BEST3: variants seen among roughly 807,000 people sequenced by gnomAD.
BEST3 encodes bestrophin-3.
In BEST3, 50 loss-of-function variants were observed where a neutral mutation model predicts 47.1. The ratio of observed to expected loss-of-function variants is 1.06; its 90% CI spans 0.85 to 1.34. The LOEUF (loss-of-function observed/expected upper bound fraction) is 1.34. Among genes scored for constraint, BEST3 ranks in the 40% most tolerant of loss-of-function variants. BEST3 has a pLI of 0.00. For synonymous variants in BEST3, 282 were observed against 298.8 expected, an observed-to-expected ratio of 0.94 and a Z score of 0.58; for missense variants, 765 against 817.0, an observed-to-expected ratio of 0.94 and a Z score of 0.78.
At chr12:69,684,830 G>C (rs1167297002) in intron 4 of BEST3, among the ~76,000 whole-genome samples, 1 of 152,202 alleles carries the variant, frequency 6.6e-6, no homozygotes, top group Non-Finnish European at 1.5e-5. Flanking sequence ...ATGAGATTGA[G>C]AGAGGGATGA....
chr12:69,645,588 C>G (rs1027998710), intron 9 of BEST3, among the ~76,000 whole-genome samples: 1 of 152,122 alleles, frequency 6.6e-6, no homozygotes, highest in Non-Finnish European at 1.5e-5. Context: ...GTTACAGATG[C>G]GGTGTGGAAT....
intron 3 of BEST3, 150 bp from the exon 4 acceptor site, chr12:69,694,057 A>G: frequency 1.5e-6 from 1 of 665,916 alleles, no homozygotes; most frequent in Non-Finnish European, 2.5e-6. Context: ...CCAGAAAAAA[A>G]ATGTCATTTG....
intron 7 of BEST3, among the ~76,000 whole-genome samples, chr12:69,673,656 C>A (rs916411074): frequency 6.6e-6 from 1 of 152,018 alleles, no homozygotes; most frequent in African/African-American, 2.4e-5. Flanking sequence ...GTTGGCCAGG[C>A]TAGTCTTGAA....
intron 1 of BEST3, 73 bp from the exon 2 acceptor site, chr12:69,697,886 T>C: frequency 8.0e-7 from 1 of 1,255,452 alleles, no homozygotes; most frequent in East Asian, 2.5e-5. Flanking sequence ...TATGTCTGTA[T>C]ATCAAGGAAA....
intron 4 of BEST3, among the ~76,000 whole-genome samples, chr12:69,680,142 C>G (rs1885155707): frequency 6.6e-6 from 1 of 151,888 alleles, no homozygotes; most frequent in South Asian, 2.1e-4. Context: ...CTTTAATTTT[C>G]CTCTGCCTAC....
chr12:69,676,932 TAGAAGA>T lies in BEST3; in HGVS notation c.845_850del (p.Phe282_Phe283del), dbSNP rs773849380. ...ACTGGCTACCTTAAGCCATCCTGCATAGAAGAAGAATTGTAGGAGGGTGAAGATGGG... is the reference window on the plus strand; with the variant it reads ...ACTGGCTACCTTAAGCCATCCTGCATAGAATTGTAGGAGGGTGAAGATGGG... On this transcript the variant is annotated inframe_deletion, in exon 7 of 10. Transcript: ENST00000330891. The T allele has an allele frequency of 1.2e-6, 2 of 1,613,596 alleles. No individual in the cohort carries two copies. Among genetic ancestry groups the T allele is most frequent in the Non-Finnish European group, 1.7e-6 (2 of 1,179,834 alleles).
chr12:69,657,350 C>T (rs1258657535), intron 9 of BEST3, among the ~76,000 whole-genome samples: 1 of 152,110 alleles, frequency 6.6e-6, no homozygotes, highest in Admixed American at 6.5e-5. Flanking sequence ...CCCACCTTGC[C>T]CTCCCAAAGT....
chr12:69,677,265 A>G lies in BEST3; in HGVS notation c.637-8T>C. On this transcript the variant is annotated splice_polypyrimidine_tract_variant and splice_region_variant and intron_variant, in intron 5 of 9. Coordinates refer to ENST00000330891, the MANE Select transcript of BEST3 (RefSeq NM_032735.3). The stretch of plus-strand genomic sequence containing the variant: ...GCGGTATCGATTCATTTCCTAAGCC[A>G]GAAACAGATCAAGCATGATTTACTA... 1 of 1,605,920 alleles carries G rather than the reference A, an allele frequency of 6.2e-7. No homozygotes were observed. The highest frequency in any genetic ancestry group is 2.2e-5 in the East Asian group (1 of 44,550).
At chr12:69,679,585 G>T (rs1885119224) in intron 4 of BEST3, among the ~76,000 whole-genome samples, 1 of 152,252 alleles carries the variant, frequency 6.6e-6, no homozygotes. Flanking sequence ...TTGTGGCAGG[G>T]TGCAGTGGCT....
Position 69,681,440 on chromosome 12 carries a change from A to G in BEST3, c.482-2547T>C, listed in dbSNP as rs887617570. On this transcript the variant is annotated intron_variant, in intron 4 of 9. Coordinates refer to ENST00000330891, the MANE Select transcript of BEST3 (RefSeq NM_032735.3). ...TGACCAGCCTGGGCAATATAGCAAGACTTCATCTCTAATAAATAAATTAAA... is the reference window on the plus strand; with the variant it reads ...TGACCAGCCTGGGCAATATAGCAAGGCTTCATCTCTAATAAATAAATTAAA... 2.0e-5 allele frequency among the ~76,000 whole-genome samples: 3 copies of G among 152,114 alleles called. No homozygotes were observed. In the East Asian group the frequency reaches 5.8e-4, roughly 29 times the overall value.
chr12:69,682,906 ATAAACT>A (rs144200947), intron 4 of BEST3, among the ~76,000 whole-genome samples: 12,334 of 152,196 alleles, frequency 0.081, 700 homozygotes, highest in East Asian at 0.24. Flanking sequence ...AAGTTAATAG[ATAAACT>A]TGATCTGTCT....
intron 5 of BEST3, 118 bp from the exon 6 acceptor site, chr12:69,677,375 T>G: frequency 1.1e-6 from 1 of 902,772 alleles, no homozygotes; most frequent in Non-Finnish European, 1.8e-6. Context: ...GCTAGTAAAC[T>G]GATTCCCAAG....
intron 1 of BEST3, among the ~76,000 whole-genome samples, chr12:69,698,388 G>T (rs1388572551): frequency 1.3e-5 from 2 of 152,208 alleles, no homozygotes; most frequent in East Asian, 3.9e-4. Flanking sequence ...TCCATTTCAT[G>T]AATGTGGTTA....
At chr12:69,687,923 G>A (rs1885727519) in intron 4 of BEST3, among the ~76,000 whole-genome samples, 1 of 152,102 alleles carries the variant, frequency 6.6e-6, no homozygotes, top group African/African-American at 2.4e-5. Context: ...TATTTGTTCT[G>A]CTTATAAGGG....
chr12:69,692,677 G>A (rs73330033), intron 4 of BEST3, among the ~76,000 whole-genome samples: 5,119 of 152,238 alleles, frequency 0.034, 308 homozygotes, highest in African/African-American at 0.12. Context: ...CCTTTTTCAT[G>A]TTTTCTTGAA....
At position 69,671,439 on chromosome 12, in the gene BEST3, T is replaced by C. The variant is rs763457433; in HGVS notation, c.1089A>G (p.Thr363=). 8 of 1,613,858 alleles carry C rather than the reference T, an allele frequency of 5.0e-6. No homozygotes were observed. Among genetic ancestry groups the C allele is most frequent in the Non-Finnish European group, 5.9e-6 (7 of 1,179,876 alleles). The change falls in exon 9 of 10, where the codon ACA becomes ACG. Residue 363 remains threonine (T), a synonymous_variant. Transcript: ENST00000330891. ...DYCIPSFLGS[T]VQMGLSGSDF... is the part of the protein sequence containing the mutation. ...AAAAATGCACTTACCCCATCTGGAC[T>C]GTTGACCCCAGAAATGAGGGTATGC... is the stretch of plus-strand genomic sequence containing the variant.
chr12:69,686,781 A>AAAAAAAAAAAAACAC (rs1251996020), intron 4 of BEST3, among the ~76,000 whole-genome samples: 2 of 147,912 alleles, frequency 1.4e-5, no homozygotes, highest in African/African-American at 5.1e-5. Context: ...CAAAAAAACA[A>AAAAAAAAAAAAACAC]AAAAAAAAGA....
Position 69,677,266 on chromosome 12 carries a change from G to A in BEST3, c.637-9C>T, listed in dbSNP as rs202161560. The A allele has an allele frequency of 6.2e-7, 1 of 1,605,246 alleles. No homozygotes were observed. Among genetic ancestry groups the A allele is most frequent in the East Asian group, 2.2e-5 (1 of 44,500 alleles). ...CGGTATCGATTCATTTCCTAAGCCA[G>A]AAACAGATCAAGCATGATTTACTAA... On this transcript the variant is annotated splice_polypyrimidine_tract_variant and intron_variant, in intron 5 of 9. Coordinates refer to ENST00000330891, the MANE Select transcript of BEST3 (RefSeq NM_032735.3).
chr12:69,690,646 A>G (rs1376535670), intron 4 of BEST3, among the ~76,000 whole-genome samples: 1 of 152,200 alleles, frequency 6.6e-6, no homozygotes, highest in Non-Finnish European at 1.5e-5. Context: ...CATTTCAAGG[A>G]TGCGTCAGAA....
Sources: gnomAD v4.1 joint callset for allele counts (sites outside exome capture counted in the v4.1 genomes callset) on GRCh38, gnomAD v4.1.1 for gene constraint, MANE v1.5 for transcripts, NCBI Gene and HGNC (gene_info 2026-07-23, HGNC 2026-07-21) for gene names.